CHRM2: variants seen among roughly 807,000 people sequenced by gnomAD.
The protein encoded by CHRM2 is cholinergic receptor muscarinic 2, also known as muscarinic acetylcholine receptor M2.
A neutral mutation model predicts 25.0 loss-of-function variants in CHRM2; 8 were observed. The observed-to-expected ratio is 0.32, with a 90% CI of 0.19 to 0.58. The LOEUF is 0.58. Among genes scored for constraint, CHRM2 ranks in the 20% least tolerant of loss-of-function variants. The pLI is 0.88. For synonymous variants in CHRM2, 202 were observed against 205.7 expected (o/e 0.98, Z 0.15); for missense variants, 440 against 567.1 (o/e 0.78, Z 2.28).
At chr7:136,954,570 T>C (rs552324912) in intron 2 of CHRM2, among the ~76,000 whole-genome samples, 37 of 152,318 alleles carry the variant, frequency 2.4e-4, no homozygotes, top group Admixed American at 2.3e-3. Context: ...CTACCTGAAC[T>C]CCCTTTCTGT....
chr7:136,958,505 G>C (rs1056366018), intron 2 of CHRM2, among the ~76,000 whole-genome samples: 5 of 146,906 alleles, frequency 3.4e-5, no homozygotes, highest in South Asian at 2.1e-4. Context: ...GCCCAGGCTG[G>C]AGTGCAGTGG....
Position 136,877,681 on chromosome 7 carries a change from A to C in CHRM2, c.-125+8263A>C, listed in dbSNP as rs190153352. ...TGTCATTGTTGCAAAATGTTGTTGC[A>C]TTCTGATGATCCCAAGTAACAGGCG... On this transcript the variant is annotated intron_variant, in intron 2 of 3. Coordinates refer to ENST00000680005, the MANE Select transcript of CHRM2 (RefSeq NM_001006630.2). Among the ~76,000 whole-genome samples, 26 of 152,164 alleles carry C rather than the reference A, an allele frequency of 1.7e-4. No homozygotes were observed. The East Asian group carries it at 4.8e-3, about 28-fold the overall frequency.
intron 2 of CHRM2, among the ~76,000 whole-genome samples, chr7:136,925,755 G>C (rs1798712380): frequency 6.6e-6 from 1 of 152,094 alleles, no homozygotes; most frequent in Non-Finnish European, 1.5e-5. Context: ...CCTTATCTTT[G>C]TCTCACTGCA....
intron 2 of CHRM2, among the ~76,000 whole-genome samples, chr7:136,892,292 A>G (rs934409912): frequency 3.3e-5 from 5 of 152,226 alleles, no homozygotes; most frequent in Non-Finnish European, 5.9e-5. Flanking sequence ...AAACTTTAAG[A>G]AGACAGAAAG....
At chr7:136,978,686 T>C (rs185685930) in intron 2 of CHRM2, among the ~76,000 whole-genome samples, 68 of 152,262 alleles carry the variant, frequency 4.5e-4, no homozygotes, top group African/African-American at 1.3e-3. Flanking sequence ...CACTTATGAG[T>C]GAGAACATGC....
intron 2 of CHRM2, among the ~76,000 whole-genome samples, chr7:136,987,121 TTC>T (rs1346168237): frequency 7.1e-6 from 1 of 140,180 alleles, no homozygotes; most frequent in African/African-American, 2.4e-5. Flanking sequence ...TCTTTTTTAT[TTC>T]TCTTTCTTTT....
At chr7:137,003,061 G>C (rs1167324714) in intron 3 of CHRM2, among the ~76,000 whole-genome samples, 4 of 152,082 alleles carry the variant, frequency 2.6e-5, no homozygotes, top group African/African-American at 9.7e-5. Context: ...TTCCGTTTCA[G>C]GTTTAACTCC....
At chr7:136,993,569 C>T (rs1009930628) in intron 3 of CHRM2, among the ~76,000 whole-genome samples, 20 of 152,212 alleles carry the variant, frequency 1.3e-4, no homozygotes, top group African/African-American at 4.3e-4. Flanking sequence ...CGGAGAAGTG[C>T]CAGAGATGGC....
rs182641577 is a variant in CHRM2 at position 136,983,156 on chromosome 7, C to T, written c.-124-9031C>T. ...TATTCATTCCTTTTCATTCTTTTTA[C>T]TCTAATCTTGTCTTCATGCTTTTTT... On this transcript the variant is annotated intron_variant, in intron 2 of 3. Coordinates refer to ENST00000680005, the MANE Select transcript of CHRM2 (RefSeq NM_001006630.2). Among the ~76,000 whole-genome samples the T allele has an allele frequency of 4.1e-3, 625 of 152,216 alleles. 4 individuals are homozygous for T. Among genetic ancestry groups the T allele is most frequent in the African/African-American group, 0.014 (580 of 41,530 alleles).
At chr7:136,922,066 C>G (rs1448075991) in intron 2 of CHRM2, among the ~76,000 whole-genome samples, 1 of 152,160 alleles carries the variant, frequency 6.6e-6, no homozygotes, top group Non-Finnish European at 1.5e-5. Flanking sequence ...TGTGCCCACC[C>G]CATTCATGCA....
At chr7:136,965,897 CAAAAAA>C (rs1036433285) in intron 2 of CHRM2, among the ~76,000 whole-genome samples, 1 of 149,978 alleles carries the variant, frequency 6.7e-6, no homozygotes, top group African/African-American at 2.4e-5. Flanking sequence ...GATGTGTTGA[CAAAAAA>C]AAAGAAAGCC....
intron 2 of CHRM2, among the ~76,000 whole-genome samples, chr7:136,987,479 A>T (rs1390104123): frequency 6.6e-6 from 1 of 152,210 alleles, no homozygotes; most frequent in African/African-American, 2.4e-5. Flanking sequence ...TGTCAAAGCT[A>T]TGCCCAGTCT....
At chr7:136,915,358 C>A (rs566713911) in intron 2 of CHRM2, among the ~76,000 whole-genome samples, 22 of 152,004 alleles carry the variant, frequency 1.4e-4, no homozygotes, top group African/African-American at 4.8e-4. Flanking sequence ...GCATAATTTA[C>A]TCACTGAGAA....
At chr7:136,896,285 A>T (rs893928093) in intron 2 of CHRM2, among the ~76,000 whole-genome samples, 1 of 152,206 alleles carries the variant, frequency 6.6e-6, no homozygotes, top group African/African-American at 2.4e-5. Flanking sequence ...GTTTTCTGTT[A>T]CAAAGAAAAG....
chr7:136,882,621 T>A (rs1285344800), intron 2 of CHRM2, among the ~76,000 whole-genome samples: 2 of 152,108 alleles, frequency 1.3e-5, no homozygotes, highest in East Asian at 3.8e-4. Context: ...TATTCCTTTC[T>A]GAAATAGCTC....
intron 2 of CHRM2, among the ~76,000 whole-genome samples, chr7:136,896,736 TA>T (rs1472660795): frequency 1.3e-5 from 2 of 152,128 alleles, no homozygotes; most frequent in Non-Finnish European, 1.5e-5. Context: ...CAAATTAAAG[TA>T]GTTGATCATG....
Position 137,000,795 on chromosome 7 carries a change from A to AT in CHRM2, c.-47+8537dup, listed in dbSNP as rs201474459. On this transcript the variant is annotated intron_variant, in intron 3 of 3. Coordinates refer to ENST00000680005, the MANE Select transcript of CHRM2 (RefSeq NM_001006630.2). ...CATGTAACCAAAAACACCTGTCACG[A>AT]TTTTTTATCCTTTGGCTTTTATATC... Among the ~76,000 whole-genome samples the AT allele has an allele frequency of 4.9e-3, 738 of 151,624 alleles. 3 individuals are homozygous for AT. The highest frequency in any genetic ancestry group is 8.3e-3 in the Non-Finnish European group (566 of 67,894).
At chr7:136,956,301 C>T (rs17168834) in intron 2 of CHRM2, among the ~76,000 whole-genome samples, 6,728 of 152,140 alleles carry the variant, frequency 0.044, 193 homozygotes, top group Middle Eastern at 0.096. Context: ...TTTGATTCCT[C>T]CTTGGTTTTT....
intron 2 of CHRM2, among the ~76,000 whole-genome samples, chr7:136,876,987 G>A (rs141016362): frequency 1.3e-5 from 2 of 152,174 alleles, no homozygotes; most frequent in African/African-American, 4.8e-5. Flanking sequence ...GAGTCAGGCT[G>A]GGAATTAGGG....
Sources: allele counts gnomAD v4.1 joint callset (sites outside exome capture counted in the v4.1 genomes callset), GRCh38; gene constraint gnomAD v4.1.1; transcripts MANE v1.5; gene names NCBI Gene and HGNC (gene_info 2026-07-23, HGNC 2026-07-21).